Variants in SLC45A3 observed in about 807,000 individuals in gnomAD.
The protein encoded by SLC45A3 is prostate cancer associated protein 2.
A neutral mutation model predicts 35.3 loss-of-function variants in SLC45A3; 17 were observed. The observed-to-expected ratio is 0.48, with a 90% CI of 0.33 to 0.72. The LOEUF (loss-of-function observed/expected upper bound fraction) is 0.72. Among genes scored for constraint, SLC45A3 ranks in the 30% least tolerant of loss-of-function variants. The pLI is 0.02. For missense variants in SLC45A3, 597 were observed against 731.7 expected (o/e 0.82, Z 2.12); for synonymous variants, 288 against 334.3 (o/e 0.86, Z 1.51).
chr1:205,661,884 A>G lies in SLC45A3; in HGVS notation c.1201T>C (p.Ser401Pro). 1 of 1,613,782 alleles carries G rather than the reference A, an allele frequency of 6.2e-7. No homozygotes were observed. The highest frequency in any genetic ancestry group is 8.5e-7 in the Non-Finnish European group (1 of 1,179,804). ...ALQILPYTLA[S>P]LYHREKQVFL... is the part of the protein sequence containing the mutation. ...ACCTGCTTCTCCCGGTGGTAGAGGG[A>G]GGCCAGTGTGTAGGGCAGGATCTGC... is the stretch of plus-strand genomic sequence containing the variant. Residue 401 changes from serine to proline, a missense_variant, in exon 4 of 5, where the codon TCC (serine) becomes CCC (proline). This residue lies in a region of SLC45A3 where 555 missense variants were observed against 664.9 expected (regional missense o/e 0.83). Coordinates refer to ENST00000367145, the MANE Select transcript of SLC45A3 (RefSeq NM_033102.3).
At position 205,662,013 on chromosome 1, in the gene SLC45A3, T is replaced by C. The variant is rs757243484; in HGVS notation, c.1072A>G (p.Ser358Gly). 1.2e-6 allele frequency: 2 copies of C among 1,614,152 alleles called. No homozygotes were observed. Among genetic ancestry groups the C allele is most frequent in the South Asian group, 2.2e-5 (2 of 91,086 alleles). Residue 358 changes from serine (S) to glycine (G), a missense_variant, in exon 4 of 5, where the codon AGT (serine) becomes GGT (glycine). Coordinates refer to ENST00000367145, the MANE Select transcript of SLC45A3 (RefSeq NM_033102.3). The surrounding 1 kb of genome is among the most constrained non-coding windows in gnomAD (Gnocchi z 6.2). ...GCAGCCACAGGGAAAGCTGCCACAC[T>C]GGCCAAATAGACTGCTCGAGTGCCG... ...RFGTRAVYLA[S>G]VAAFPVAAGA...
intron 1 of SLC45A3, among the ~76,000 whole-genome samples, chr1:205,671,627 G>A (rs1043294571): frequency 6.6e-6 from 1 of 152,222 alleles, no homozygotes; most frequent in Non-Finnish European, 1.5e-5. Flanking sequence ...GGGAGGCCGA[G>A]GCAGGCAGAT....
rs758812045 is a variant in SLC45A3 at position 205,664,538 on chromosome 1, G to A, written c.119C>T (p.Pro40Leu). 3.7e-6 allele frequency: 6 copies of A among 1,614,062 alleles called. No homozygotes were observed. Among genetic ancestry groups the A allele is most frequent in the Non-Finnish European group, 3.4e-6 (4 of 1,180,038 alleles). Residue 40 changes from proline (P) to leucine (L), a missense_variant, in exon 2 of 5, where the codon CCG (proline) becomes CTG (leucine). Physicochemically the swap from Pro to Leu is moderately conservative, Grantham distance 98. This residue lies in a region of SLC45A3 where 5 missense variants were observed against 25.6 expected (regional missense o/e 0.20). Transcript: ENST00000367145. This position sits in a 1 kb window ranked among gnomAD's most constrained non-coding sequence, Gnocchi z 5.3. ...VCLAAGITYV[P>L]PLLLEVGVEE... ...TACCCCCACTTCCAGCAGCAGAGGC[G>A]GCACATAGGTGATGCCTGCGGCCAA...
At chr1:205,667,788 G>A (rs1372566001) in intron 1 of SLC45A3, among the ~76,000 whole-genome samples, 1 of 151,900 alleles carries the variant, frequency 6.6e-6, no homozygotes, top group Non-Finnish European at 1.5e-5. Flanking sequence ...CAAGTTCCCA[G>A]GCCCCCCAGG....
At position 205,663,762 on chromosome 1, in the gene SLC45A3, C is replaced by T. The variant is rs527560665; in HGVS notation, c.173-144G>A. 22 of 857,464 alleles carry T rather than the reference C, an allele frequency of 2.6e-5. No homozygotes were observed. The South Asian group carries it at 4.2e-4, about 16-fold the overall frequency. The allele number at this position is 857,464 out of a possible 1,614,324, so 53.1% of individuals were successfully genotyped here. On this transcript the variant is annotated intron_variant, in intron 2 of 4. Coordinates refer to ENST00000367145, the MANE Select transcript of SLC45A3 (RefSeq NM_033102.3). ...CTTCACAGGGATGCTGTAATTTACT[C>T]CTCATAACACAGGCATTACAGATGC...
At position 205,662,176 on chromosome 1, in the gene SLC45A3, A is replaced by G; in HGVS notation, c.959-50T>C. ...ACAGAGCCTGGGAGGGAAGGGTCGG[A>G]GCAGTCTCAGGGAGATGAGAAGGCG... is the stretch of plus-strand genomic sequence containing the variant. On this transcript the variant is annotated intron_variant, in intron 3 of 4. Transcript: ENST00000367145. This position sits in a 1 kb window ranked among gnomAD's most constrained non-coding sequence, Gnocchi z 6.2. 6.4e-7 allele frequency: 1 copy of G among 1,572,312 alleles called. No individual in the cohort carries two copies. Among genetic ancestry groups the G allele is most frequent in the African/African-American group, 1.3e-5 (1 of 74,340 alleles).
chr1:205,663,945 G>A (rs1194250750), intron 2 of SLC45A3, among the ~76,000 whole-genome samples: 1 of 152,112 alleles, frequency 6.6e-6, no homozygotes, highest in Non-Finnish European at 1.5e-5. Flanking sequence ...GGGGGTGAGG[G>A]GTTGTCACAC....
rs925855608 is a variant in SLC45A3, at chr1:205,662,854, C to A, written c.937G>T (p.Ala313Ser). The A allele has an allele frequency of 2.5e-6, 4 of 1,601,478 alleles. No individual in the cohort carries two copies. The highest frequency in any genetic ancestry group is 3.4e-6 in the Non-Finnish European group (4 of 1,172,504). ...TTACCTTCATCATAGTGTCTCCGGG[C>A]CTCGGTGCCCGGCTCAGCTCTGGGC... is the stretch of plus-strand genomic sequence containing the variant. ...GVPRAEPGTE[A>S]RRHYDEGVRM... is the part of the protein sequence containing the mutation. The change falls in exon 3 of 5, where the codon GCC becomes TCC. Residue 313 changes from alanine (A) to serine (S), a missense_variant. By Grantham distance (99) the Ala-to-Ser change is moderately conservative. Coordinates refer to ENST00000367145, the MANE Select transcript of SLC45A3 (RefSeq NM_033102.3). This position sits in a 1 kb window ranked among gnomAD's most constrained non-coding sequence, Gnocchi z 6.2.
rs1671176323 is a variant in SLC45A3 at position 205,669,640 on chromosome 1, G to A, written c.-230-4754C>T. On this transcript the variant is annotated intron_variant, in intron 1 of 4. Coordinates refer to ENST00000367145, the MANE Select transcript of SLC45A3 (RefSeq NM_033102.3). The surrounding 1 kb of genome is among the most constrained non-coding windows in gnomAD (Gnocchi z 4.1). Reference sequence around the variant, plus strand: ...CACCCAGGCACATCAAACGGCTGTAGCCCCCACCCTGACCCCGCAGGCTCA... The same window carrying A: ...CACCCAGGCACATCAAACGGCTGTAACCCCCACCCTGACCCCGCAGGCTCA... 6.6e-6 allele frequency among the ~76,000 whole-genome samples: 1 copy of A among 152,122 alleles called. No homozygotes were observed. The highest frequency in any genetic ancestry group is 2.4e-5 in the African/African-American group (1 of 41,432).
intron 1 of SLC45A3, among the ~76,000 whole-genome samples, chr1:205,670,588 T>A (rs1671194583): frequency 6.6e-6 from 1 of 152,194 alleles, no homozygotes; most frequent in Non-Finnish European, 1.5e-5. Context: ...CCCCAGGGCC[T>A]GGAGGCCAGG....
rs1395526383 is a variant in SLC45A3 at position 205,678,098 on chromosome 1, C to T, written c.-231+2296G>A. ...TTGGGAGGCTGAGGCGGGTGGATCACCTGAGGTCAGGAGTTCAAGACAAGC... is the reference window on the plus strand; with the variant it reads ...TTGGGAGGCTGAGGCGGGTGGATCATCTGAGGTCAGGAGTTCAAGACAAGC... On this transcript the variant is annotated intron_variant, in intron 1 of 4. Coordinates refer to ENST00000367145, the MANE Select transcript of SLC45A3 (RefSeq NM_033102.3). 2.0e-5 allele frequency among the ~76,000 whole-genome samples: 3 copies of T among 152,198 alleles called. No homozygotes were observed. In the East Asian group the frequency reaches 5.8e-4, roughly 29 times the overall value.
rs1340804739 is a variant in SLC45A3, at chr1:205,662,612, G to A, written c.958+221C>T. 7 of 1,337,310 alleles carry A rather than the reference G, an allele frequency of 5.2e-6. No homozygotes were observed. The highest frequency in any genetic ancestry group is 6.7e-6 in the Non-Finnish European group (7 of 1,049,152). 82.8% of individuals were successfully genotyped at this position (1,337,310 alleles called of 1,614,324 possible). On this transcript the variant is annotated intron_variant, in intron 3 of 4. Transcript: ENST00000367145. The surrounding 1 kb of genome is among the most constrained non-coding windows in gnomAD (Gnocchi z 6.2). ...TTTCCTTCTGTCAAACTGGGGCAAC[G>A]ACTCTGATCAGACTCCTAGAGCAGC...
At chr1:205,676,975 C>T (rs540324259) in intron 1 of SLC45A3, among the ~76,000 whole-genome samples, 9 of 152,266 alleles carry the variant, frequency 5.9e-5, no homozygotes, top group Non-Finnish European at 1.2e-4. Context: ...TTTTTCTGGA[C>T]ACCAAAGAAC....
chr1:205,661,511 C>G lies in SLC45A3; in HGVS notation c.1224+350G>C, dbSNP rs572789676. Among the ~76,000 whole-genome samples the G allele has an allele frequency of 3.9e-5, 6 of 152,206 alleles. No individual in the cohort carries two copies. The East Asian group carries it at 5.8e-4, about 15-fold the overall frequency. Reference sequence around the variant, plus strand: ...ACTCCCGTCTGCTGAGGCTGAATGGCCCAGGGGTCATCTGATTCAGCGCCC... The same window carrying G: ...ACTCCCGTCTGCTGAGGCTGAATGGGCCAGGGGTCATCTGATTCAGCGCCC... On this transcript the variant is annotated intron_variant, in intron 4 of 4. Coordinates refer to ENST00000367145, the MANE Select transcript of SLC45A3 (RefSeq NM_033102.3).
chr1:205,660,384 C>T (rs1670998113), intron 4 of SLC45A3, among the ~76,000 whole-genome samples: 1 of 152,134 alleles, frequency 6.6e-6, no homozygotes, highest in Admixed American at 6.6e-5. Flanking sequence ...CCCCCCAACC[C>T]CTGCCCTTGA....
In SLC45A3 at chr1:205,659,719, AGCACTG is replaced by A. The variant is rs1558033161; in HGVS notation, c.1225-54_1225-49del. The A allele has an allele frequency of 6.7e-7, 1 of 1,488,814 alleles. No homozygotes were observed. Among genetic ancestry groups the A allele is most frequent in the East Asian group, 2.3e-5 (1 of 43,064 alleles). The allele number at this position is 1,488,814 out of a possible 1,614,324, so 92.2% of individuals were successfully genotyped here. On this transcript the variant is annotated intron_variant, in intron 4 of 4. Coordinates refer to ENST00000367145, the MANE Select transcript of SLC45A3 (RefSeq NM_033102.3). This position sits in a 1 kb window ranked among gnomAD's most constrained non-coding sequence, Gnocchi z 5.8. ...AGGGGAAGAGGACAGGTGTGTACCC[AGCACTG>A]GCACCACCCCAGCTGTGAGAACAGA...
chr1:205,666,636 C>T lies in SLC45A3; in HGVS notation c.-230-1750G>A, dbSNP rs1671122548. Among the ~76,000 whole-genome samples, 1 of 152,232 alleles carries T rather than the reference C, an allele frequency of 6.6e-6. No individual in the cohort carries two copies. Among genetic ancestry groups the T allele is most frequent in the African/African-American group, 2.4e-5 (1 of 41,450 alleles). On this transcript the variant is annotated intron_variant, in intron 1 of 4. Coordinates refer to ENST00000367145, the MANE Select transcript of SLC45A3 (RefSeq NM_033102.3). The surrounding 1 kb of genome is among the most constrained non-coding windows in gnomAD (Gnocchi z 4.1). ...AGGCTGGGCAACCAGCAGCCTCCTC[C>T]CCTAAATCCTGCTCAGACTCACCCT...
intron 1 of SLC45A3, among the ~76,000 whole-genome samples, chr1:205,670,825 G>A (rs887840408): frequency 2.0e-5 from 3 of 152,072 alleles, no homozygotes; most frequent in Admixed American, 6.5e-5. Flanking sequence ...CACCCCCTCC[G>A]GCTCCTGAGC....
Position 205,680,061 on chromosome 1 carries a change from G to GGA in SLC45A3, c.-231+332_-231+333insTC, listed in dbSNP as rs1380604792. 2.9e-4 allele frequency among the ~76,000 whole-genome samples: 35 copies of GGA among 122,610 alleles called. 1 individual carries two copies. The South Asian group carries it at 3.9e-3, about 14-fold the overall frequency. 80.4% of individuals were successfully genotyped at this position (122,610 alleles called of 152,430 possible). A position where few individuals can be genotyped will look rare whatever the true frequency, so the allele number is the denominator to read the frequency against. On this transcript the variant is annotated intron_variant, in intron 1 of 4. Coordinates refer to ENST00000367145, the MANE Select transcript of SLC45A3 (RefSeq NM_033102.3). The stretch of plus-strand genomic sequence containing the variant: ...CCGGCCCGGTCCGGCCCGGCCCGGG[G>GGA]CTCCGGGGAGGGGCCGCTCCCCGCC...
Sources: allele counts gnomAD v4.1 joint callset (sites outside exome capture counted in the v4.1 genomes callset), GRCh38; gene constraint gnomAD v4.1.1; regional missense constraint gnomAD v4.1.1; non-coding constraint Gnocchi (gnomAD v3.1); transcripts MANE v1.5; gene names NCBI Gene and HGNC (gene_info 2026-07-23, HGNC 2026-07-21).